The following NDRG3 variants were observed in gnomAD, a reference collection of about 807,000 sequenced individuals.
NDRG3 encodes protein NDRG3.
NDRG3 carries 23 observed loss-of-function variants against 57.2 expected under a neutral mutation model. That is an observed-to-expected ratio of 0.40 (90% CI 0.29 to 0.57). NDRG3 has a LOEUF of 0.57. Ranked by LOEUF, NDRG3 falls within the 20% of genes least tolerant of loss-of-function variation. The pLI, the probability that NDRG3 is intolerant of heterozygous loss-of-function variation, is 0.42. For missense variants in NDRG3, 384 were observed against 457.3 expected, an observed-to-expected ratio of 0.84 and a Z score of 1.46; for synonymous variants, 132 against 162.6, an observed-to-expected ratio of 0.81 and a Z score of 1.43.
chr20:36,691,776 C>T, intron 3 of NDRG3, among the ~76,000 whole-genome samples: 1 of 152,144 alleles, frequency 6.6e-6, no homozygotes, highest in East Asian at 1.9e-4. Flanking sequence ...AAATAACTTC[C>T]TATTTCTGTA....
At chr20:36,677,105 A>AGGAGCCGGGGACAAGCG (rs1409374907) in intron 8 of NDRG3, among the ~76,000 whole-genome samples, 4 of 152,152 alleles carry the variant, frequency 2.6e-5, no homozygotes, top group Admixed American at 6.5e-5. Context: ...GGAAGCGAGC[A>AGGAGCCGGGGACAAGCG]GGAGCTGGGG....
intron 8 of NDRG3, among the ~76,000 whole-genome samples, chr20:36,679,772 G>A (rs1981088777): frequency 6.6e-6 from 1 of 151,934 alleles, no homozygotes; most frequent in African/African-American, 2.4e-5. Context: ...CCAAAGTGCT[G>A]GAATTACAGG....
chr20:36,732,298 T>C (rs1456004232), intron 1 of NDRG3, among the ~76,000 whole-genome samples: 1 of 152,130 alleles, frequency 6.6e-6, no homozygotes, highest in Non-Finnish European at 1.5e-5. Flanking sequence ...AGAAAACATG[T>C]AGAGGCTTTG....
At chr20:36,712,587 ATTTTTT>A (rs71186015) in intron 2 of NDRG3, among the ~76,000 whole-genome samples, 1 of 5,912 alleles carries the variant, frequency 1.7e-4, no homozygotes, top group Non-Finnish European at 3.1e-4. Context: ...ATATATATAT[ATTTTTT>A]TTTTTTTTTT....
intron 3 of NDRG3, among the ~76,000 whole-genome samples, chr20:36,697,351 CTAATA>C (rs749746514): frequency 2.0e-4 from 31 of 152,260 alleles, no homozygotes; most frequent in Non-Finnish European, 3.7e-4. Flanking sequence ...CTCTTCCTTA[CTAATA>C]TGTCCTTTGT....
intron 9 of NDRG3, among the ~76,000 whole-genome samples, chr20:36,667,948 C>T (rs1179914947): frequency 6.6e-6 from 1 of 152,078 alleles, no homozygotes; most frequent in African/African-American, 2.4e-5. Flanking sequence ...AAAGTGAATA[C>T]CAAATGACAG....
chr20:36,690,798 A>C, intron 3 of NDRG3, among the ~76,000 whole-genome samples: 1 of 139,074 alleles, frequency 7.2e-6, no homozygotes, highest in Admixed American at 7.2e-5. Context: ...AATAGAGCAG[A>C]CAAAAGATGC....
intron 1 of NDRG3, among the ~76,000 whole-genome samples, chr20:36,740,371 G>A (rs1487445260): frequency 1.3e-5 from 2 of 152,184 alleles, no homozygotes; most frequent in African/African-American, 4.8e-5. Flanking sequence ...TTTTGAGACG[G>A]AGTCTCGCTC....
chr20:36,744,820 T>TCGGACAGAAAGCCC (rs1369988124), intron 1 of NDRG3, among the ~76,000 whole-genome samples: 1 of 152,126 alleles, frequency 6.6e-6, no homozygotes, highest in Non-Finnish European at 1.5e-5. Flanking sequence ...GCAGAAAGCC[T>TCGGACAGAAAGCCC]CGGACAGAAA....
chr20:36,692,872 G>A (rs979019290), intron 3 of NDRG3, among the ~76,000 whole-genome samples: 4 of 149,848 alleles, frequency 2.7e-5, no homozygotes, highest in Non-Finnish European at 4.4e-5. Flanking sequence ...CCAGGAGTTC[G>A]AGACCAGCCC....
chr20:36,656,928 G>A (rs1164581338), intron 13 of NDRG3, among the ~76,000 whole-genome samples: 1 of 152,090 alleles, frequency 6.6e-6, no homozygotes, highest in Non-Finnish European at 1.5e-5. Flanking sequence ...TCTTTCCTCC[G>A]TGAGTAAGGG....
In NDRG3 at chr20:36,659,635, C is replaced by T. The variant is rs1600852298; in HGVS notation, c.858+702G>A. On this transcript the variant is annotated intron_variant, in intron 13 of 15. Transcript: ENST00000349004. ...TTTATTTTTGAGATGGAGTCTTGCTCTGTCGCCCAGGCTAGAGTGCAGTGG... is the reference window on the plus strand; with the variant it reads ...TTTATTTTTGAGATGGAGTCTTGCTTTGTCGCCCAGGCTAGAGTGCAGTGG... Among the ~76,000 whole-genome samples, 4 of 152,152 alleles carry T rather than the reference C, an allele frequency of 2.6e-5. No individual in the cohort carries two copies. In the South Asian group the frequency reaches 6.2e-4, roughly 24 times the overall value.
intron 2 of NDRG3, among the ~76,000 whole-genome samples, chr20:36,712,987 T>C (rs1352563765): frequency 1.3e-5 from 2 of 152,138 alleles, no homozygotes; most frequent in Non-Finnish European, 1.5e-5. Flanking sequence ...CCTTGACCTC[T>C]GGGCTCAAGC....
intron 3 of NDRG3, among the ~76,000 whole-genome samples, chr20:36,695,105 T>G (rs1032990192): frequency 1.2e-4 from 18 of 152,388 alleles, no homozygotes; most frequent in Non-Finnish European, 2.1e-4. Flanking sequence ...CAGTCTTTAC[T>G]GCAATCTCTG....
chr20:36,665,744 G>A (rs919578512), intron 10 of NDRG3, among the ~76,000 whole-genome samples: 35 of 151,722 alleles, frequency 2.3e-4, no homozygotes, highest in African/African-American at 8.2e-4. Flanking sequence ...GATTACAGGC[G>A]CCCGCCACTA....
chr20:36,680,703 G>A lies in NDRG3; in HGVS notation c.531+113C>T, dbSNP rs910562281. 4 of 701,460 alleles carry A rather than the reference G, an allele frequency of 5.7e-6. No individual in the cohort carries two copies. The South Asian group carries it at 6.9e-5, about 12-fold the overall frequency. 43.5% of individuals were successfully genotyped at this position (701,460 alleles called of 1,614,324 possible). ...GATTTTATATGTAAACATTCTTCAA[G>A]CTATATACTTAACATTTTTACCCTT... On this transcript the variant is annotated intron_variant, in intron 8 of 15. Transcript: ENST00000349004.
chr20:36,684,546 G>T, intron 5 of NDRG3, 71 bp from the exon 6 acceptor site: 1 of 1,358,860 alleles, frequency 7.4e-7, no homozygotes, highest in Non-Finnish European at 1.1e-6. Flanking sequence ...CAGCTGGAAA[G>T]GTCCAGAAGT....
chr20:36,742,057 A>G lies in NDRG3; in HGVS notation c.-49+3988T>C, dbSNP rs189445272. 3.0e-4 allele frequency among the ~76,000 whole-genome samples: 46 copies of G among 152,288 alleles called. No homozygotes were observed. The East Asian group carries it at 8.3e-3, about 27-fold the overall frequency. ...ACCCTATCCACCTGTCAAAGCCCAG[A>G]AAGTCAAAACCCAAAGTGGTCTCAC... On this transcript the variant is annotated intron_variant, in intron 1 of 15. Transcript: ENST00000349004.
At chr20:36,726,133 A>G (rs1984918885) in intron 1 of NDRG3, among the ~76,000 whole-genome samples, 1 of 152,142 alleles carries the variant, frequency 6.6e-6, no homozygotes, top group African/African-American at 2.4e-5. Flanking sequence ...TATGTTGTCC[A>G]GACTACTCTT....
Sources: gnomAD v4.1 joint callset for allele counts (sites outside exome capture counted in the v4.1 genomes callset) on GRCh38, gnomAD v4.1.1 for gene constraint, MANE v1.5 for transcripts, NCBI Gene and HGNC (gene_info 2026-07-23, HGNC 2026-07-21) for gene names.